Variants in ATL1 observed in about 807,000 individuals in gnomAD.
The protein encoded by ATL1 is atlastin-1.
In ATL1, 31 loss-of-function variants were observed where a neutral mutation model predicts 75.5. The observed-to-expected ratio is 0.41, with a 90% CI of 0.31 to 0.55. The LOEUF is 0.55. ATL1 is among the 20% of genes least tolerant of loss of function. ATL1 has a pLI of 0.27. For synonymous variants in ATL1, 226 were observed against 233.3 expected (o/e 0.97, Z 0.28); for missense variants, 405 against 662.6 (o/e 0.61, Z 4.27).
chr14:50,614,224 C>G, intron 7 of ATL1, 149 bp from the exon 8 acceptor site: 1 of 887,076 alleles, frequency 1.1e-6, no homozygotes, highest in Non-Finnish European at 1.8e-6. Flanking sequence ...CAAACCCACC[C>G]AAGACTTTCT....
At position 50,560,172 on chromosome 14, in the gene ATL1, G is replaced by C. The variant is rs1213046862; in HGVS notation, c.-94G>C. ...AGTCTGAGCGAACTGCGCCCAGCGC[G>C]GGCACGGAGCCTCCCACCGCCAGCA... On this transcript the variant is annotated 5_prime_UTR_variant, in exon 1 of 14. Coordinates refer to ENST00000358385, the MANE Select transcript of ATL1 (RefSeq NM_015915.5). 1.4e-6 allele frequency: 2 copies of C among 1,478,382 alleles called. No individual in the cohort carries two copies. Among genetic ancestry groups the C allele is most frequent in the East Asian group, 4.7e-5 (2 of 42,388 alleles). 91.6% of individuals were successfully genotyped at this position (1,478,382 alleles called of 1,614,324 possible).
At chr14:50,609,046 C>T (rs545107127) in intron 6 of ATL1, among the ~76,000 whole-genome samples, 12 of 152,046 alleles carry the variant, frequency 7.9e-5, no homozygotes, top group African/African-American at 2.9e-4. Flanking sequence ...TCGCACGCCA[C>T]TTAGAAGTGA....
Position 50,607,452 on chromosome 14 carries a change from T to A in ATL1, c.631-5807T>A, listed in dbSNP as rs986740139. On this transcript the variant is annotated intron_variant, in intron 6 of 13. Transcript: ENST00000358385. ...CATCAGTCTGAGAATATGTCTTTTG[T>A]TAAATGTGTTGGGTGTAGAGGTGAA... 3.9e-5 allele frequency among the ~76,000 whole-genome samples: 6 copies of A among 152,106 alleles called. No individual in the cohort carries two copies. The South Asian group carries it at 6.2e-4, about 16-fold the overall frequency.
chr14:50,568,099 C>T (rs1036973318), intron 1 of ATL1, among the ~76,000 whole-genome samples: 2 of 152,166 alleles, frequency 1.3e-5, no homozygotes, highest in Non-Finnish European at 2.9e-5. Flanking sequence ...ATATTGAAGT[C>T]TCCAACTGTT....
At chr14:50,548,806 G>A (rs957263559) in intron 1 of ATL1, among the ~76,000 whole-genome samples, 3 of 152,026 alleles carry the variant, frequency 2.0e-5, no homozygotes, top group Admixed American at 6.6e-5. Flanking sequence ...CACTGCACCC[G>A]GCCTGGTCTC....
At chr14:50,596,712 C>T (rs1406848740) in intron 6 of ATL1, among the ~76,000 whole-genome samples, 1 of 152,046 alleles carries the variant, frequency 6.6e-6, no homozygotes, top group Admixed American at 6.5e-5. Context: ...AATTTAAGCA[C>T]ACACTTCAAA....
chr14:50,630,449 T>A (rs2039569064), intron 13 of ATL1, among the ~76,000 whole-genome samples: 2 of 152,228 alleles, frequency 1.3e-5, no homozygotes, highest in African/African-American at 4.8e-5. Flanking sequence ...CATACCACTT[T>A]AAGCAGGGCC....
rs906663008 is a variant in ATL1, at chr14:50,613,374, T to C, written c.723+23T>C. ...AAGGTTTGTTAGATATTTAGGTGCA[T>C]GAAATTTCACTAATAATCTGGAATT... is the stretch of plus-strand genomic sequence containing the variant. On this transcript the variant is annotated intron_variant, in intron 7 of 13. Transcript: ENST00000358385. 3 of 1,559,804 alleles carry C rather than the reference T, an allele frequency of 1.9e-6. No homozygotes were observed. The African/African-American group carries it at 4.1e-5, about 21-fold the overall frequency.
At chr14:50,607,828 T>C (rs893565475) in intron 6 of ATL1, among the ~76,000 whole-genome samples, 1 of 152,096 alleles carries the variant, frequency 6.6e-6, no homozygotes, top group Non-Finnish European at 1.5e-5. Flanking sequence ...AGTCAACTCA[T>C]GTGTTGATAT....
intron 1 of ATL1, among the ~76,000 whole-genome samples, chr14:50,535,275 T>C (rs1023239647): frequency 7.2e-5 from 11 of 152,226 alleles, no homozygotes; most frequent in East Asian, 1.9e-4. Flanking sequence ...TAAAAAAGAA[T>C]TGGGAGACAT....
At chr14:50,603,865 G>A (rs920177173) in intron 6 of ATL1, among the ~76,000 whole-genome samples, 5 of 152,120 alleles carry the variant, frequency 3.3e-5, no homozygotes, top group East Asian at 1.9e-4. Context: ...ATGTTCTGTC[G>A]AGAGAGCAAT....
intron 1 of ATL1, among the ~76,000 whole-genome samples, chr14:50,582,364 A>C (rs954653387): frequency 6.6e-6 from 1 of 151,924 alleles, no homozygotes; most frequent in African/African-American, 2.4e-5. Flanking sequence ...GTTCTATCAA[A>C]ATTTCAAAGA....
chr14:50,568,407 T>C (rs2038924388), intron 1 of ATL1, among the ~76,000 whole-genome samples: 2 of 147,722 alleles, frequency 1.4e-5, no homozygotes, highest in South Asian at 4.3e-4. Flanking sequence ...ATATTGTCTC[T>C]AAAAAAAAAA....
Position 50,620,566 on chromosome 14 carries a change from C to G in ATL1, c.863-33C>G, listed in dbSNP as rs1215611851. The G allele has an allele frequency of 1.4e-5, 22 of 1,600,846 alleles. No individual in the cohort carries two copies. In the Admixed American group the frequency reaches 3.7e-4, roughly 27 times the overall value. On this transcript the variant is annotated intron_variant, in intron 8 of 13. Coordinates refer to ENST00000358385, the MANE Select transcript of ATL1 (RefSeq NM_015915.5). ...TGGCATGGAGGACTGGGAAGGATTCCAAAAATAATAATGGATTTGCTTTTA... is the reference window on the plus strand; with the variant it reads ...TGGCATGGAGGACTGGGAAGGATTCGAAAAATAATAATGGATTTGCTTTTA...
In ATL1 at chr14:50,623,769, G is replaced by C. The variant is rs1032858571; in HGVS notation, c.1119+521G>C. Among the ~76,000 whole-genome samples, 4 of 152,088 alleles carry C rather than the reference G, an allele frequency of 2.6e-5. No homozygotes were observed. The East Asian group carries it at 7.7e-4, about 29-fold the overall frequency. The stretch of plus-strand genomic sequence containing the variant: ...TTCTCTTGAAAATGTTATGAAATTA[G>C]GCTGGGTGCGGTGGCTCATGCCTGT... On this transcript the variant is annotated intron_variant, in intron 11 of 13. Transcript: ENST00000358385.
chr14:50,626,572 A>G (rs547462142), intron 11 of ATL1, among the ~76,000 whole-genome samples: 1 of 152,346 alleles, frequency 6.6e-6, no homozygotes, highest in East Asian at 1.9e-4. Flanking sequence ...ATCTACTCCT[A>G]GCGAAGATGC....
intron 7 of ATL1, among the ~76,000 whole-genome samples, chr14:50,613,983 G>C (rs1345184683): frequency 6.6e-6 from 1 of 152,120 alleles, no homozygotes. Context: ...CAGGTGATAG[G>C]AGGCTGCCTT....
At chr14:50,538,603 A>G (rs377553712) in intron 1 of ATL1, among the ~76,000 whole-genome samples, 1 of 152,342 alleles carries the variant, frequency 6.6e-6, no homozygotes, top group East Asian at 1.9e-4. Flanking sequence ...AAGTTTGCCC[A>G]CACCTCATGT....
intron 6 of ATL1, among the ~76,000 whole-genome samples, chr14:50,606,432 ATG>A (rs961822492): frequency 6.6e-6 from 1 of 151,914 alleles, no homozygotes; most frequent in African/African-American, 2.4e-5. Context: ...AATCAATAGT[ATG>A]TGCTCATGAA....
Sources: allele counts gnomAD v4.1 joint callset (sites outside exome capture counted in the v4.1 genomes callset), GRCh38; gene constraint gnomAD v4.1.1; transcripts MANE v1.5; gene names NCBI Gene and HGNC (gene_info 2026-07-23, HGNC 2026-07-21).